The following ATP11B variants were observed in gnomAD, a reference collection of about 807,000 sequenced individuals.
The protein encoded by ATP11B is ATPase phospholipid transporting 11B (putative).
Under a neutral mutation model 157.8 loss-of-function variants are expected in ATP11B, and 81 were observed. That is an observed-to-expected ratio of 0.51 (90% CI 0.43 to 0.62). ATP11B has a LOEUF of 0.62. Ranked by LOEUF, ATP11B falls within the 20% of genes least tolerant of loss-of-function variation. ATP11B has a pLI of 0.00. For missense variants in ATP11B, 1,165 were observed against 1,402.2 expected, an observed-to-expected ratio of 0.83 and a Z score of 2.70; for synonymous variants, 451 against 469.4, an observed-to-expected ratio of 0.96 and a Z score of 0.51.
At chr3:182,886,386 T>TG (rs976624537) in intron 23 of ATP11B, among the ~76,000 whole-genome samples, 5 of 152,140 alleles carry the variant, frequency 3.3e-5, no homozygotes, top group African/African-American at 1.2e-4. Flanking sequence ...GTCTTAGGTT[T>TG]GGAAGGAGCA....
chr3:182,799,521 C>T (rs1253092297), intron 1 of ATP11B, among the ~76,000 whole-genome samples: 2 of 151,988 alleles, frequency 1.3e-5, no homozygotes, highest in South Asian at 2.1e-4. Context: ...ATGATCCGCC[C>T]GCCTCGGCCT....
chr3:182,874,031 C>G lies in ATP11B; in HGVS notation c.2252+16C>G. The G allele has an allele frequency of 6.2e-7, 1 of 1,609,250 alleles. No homozygotes were observed. The highest frequency in any genetic ancestry group is 1.1e-5 in the South Asian group (1 of 90,622). On this transcript the variant is annotated intron_variant, in intron 19 of 29. Coordinates refer to ENST00000323116, the MANE Select transcript of ATP11B (RefSeq NM_014616.3). ...TTGCCAGAAGGTAAGAATATAGGAACCTGTATCATACCTTTCAGGGGTTAG... is the reference window on the plus strand; with the variant it reads ...TTGCCAGAAGGTAAGAATATAGGAAGCTGTATCATACCTTTCAGGGGTTAG...
intron 10 of ATP11B, among the ~76,000 whole-genome samples, chr3:182,857,031 T>C (rs1297609300): frequency 6.6e-6 from 1 of 152,236 alleles, no homozygotes; most frequent in Non-Finnish European, 1.5e-5. Flanking sequence ...AGAAGAGGGA[T>C]TCTGAAGTCA....
intron 5 of ATP11B, 62 bp from the exon 6 acceptor site, chr3:182,836,280 A>G (rs1036906903): frequency 1.4e-5 from 23 of 1,602,552 alleles, no homozygotes; most frequent in Non-Finnish European, 1.8e-5. Flanking sequence ...TTAGAGCCCA[A>G]TAAAAGTAAG....
chr3:182,803,106 T>C (rs1380664628), intron 1 of ATP11B, among the ~76,000 whole-genome samples: 11 of 152,224 alleles, frequency 7.2e-5, no homozygotes, highest in Admixed American at 7.2e-4. Context: ...TGAAGTTAAA[T>C]ACCCAGAAGT....
intron 2 of ATP11B, among the ~76,000 whole-genome samples, chr3:182,826,757 T>C (rs1717751070): frequency 6.6e-6 from 1 of 152,246 alleles, no homozygotes; most frequent in African/African-American, 2.4e-5. Context: ...CTGGGTCAGA[T>C]AGGCTTTTGT....
chr3:182,846,222 T>G (rs1189857763), intron 9 of ATP11B, among the ~76,000 whole-genome samples: 2 of 152,094 alleles, frequency 1.3e-5, no homozygotes, highest in Non-Finnish European at 2.9e-5. Context: ...TCTTTCCCAT[T>G]TGCTCTTTTT....
chr3:182,849,703 A>G (rs1221242230), intron 10 of ATP11B, among the ~76,000 whole-genome samples: 1 of 152,234 alleles, frequency 6.6e-6, no homozygotes, highest in Non-Finnish European at 1.5e-5. Context: ...ACTCAGTCGA[A>G]GAATGGAGAG....
intron 25 of ATP11B, among the ~76,000 whole-genome samples, chr3:182,895,859 C>T (rs1469776506): frequency 1.3e-5 from 2 of 152,050 alleles, no homozygotes; most frequent in East Asian, 1.9e-4. Flanking sequence ...AGGATGTCTT[C>T]GTGGTGTTCC....
intron 1 of ATP11B, among the ~76,000 whole-genome samples, chr3:182,813,481 C>T (rs1039816457): frequency 6.6e-6 from 1 of 151,992 alleles, no homozygotes; most frequent in Non-Finnish European, 1.5e-5. Context: ...GATTTGTATT[C>T]CCCTAATGGA....
chr3:182,864,828 T>C (rs579277), intron 12 of ATP11B, among the ~76,000 whole-genome samples: 108,924 of 151,990 alleles, frequency 0.72, 39,512 homozygotes, highest in Non-Finnish European at 0.78. Context: ...ATGGACATAC[T>C]TTCTTTTAAA....
intron 28 of ATP11B, among the ~76,000 whole-genome samples, chr3:182,899,642 A>C (rs926193159): frequency 2.0e-5 from 3 of 152,184 alleles, no homozygotes; most frequent in African/African-American, 7.2e-5. Flanking sequence ...GGCCTGATAG[A>C]TCTCAGTTCA....
intron 24 of ATP11B, 37 bp from the exon 25 acceptor site, chr3:182,889,373 A>T: frequency 7.1e-7 from 1 of 1,402,486 alleles, no homozygotes. Context: ...ATAATAAATG[A>T]TCCCTAATAT....
chr3:182,906,536 C>A (rs9855745), intron 28 of ATP11B, among the ~76,000 whole-genome samples: 2 of 152,078 alleles, frequency 1.3e-5, no homozygotes, highest in African/African-American at 4.8e-5. Context: ...CTCGACCTCC[C>A]GGGCTCAAGC....
Position 182,793,603 on chromosome 3 carries a change from T to A in ATP11B, c.-157T>A, listed in dbSNP as rs1715381838. On this transcript the variant is annotated 5_prime_UTR_variant, in exon 1 of 30. It removes an upstream start codon present in the reference 5' UTR. Transcript: ENST00000323116. ...AGGACTCGGGGCCGACGCCGCGGGATGGGGACGCGGCGCGGGGAGTGAGGC... is the reference window on the plus strand; with the variant it reads ...AGGACTCGGGGCCGACGCCGCGGGAAGGGGACGCGGCGCGGGGAGTGAGGC... 1 of 401,326 alleles carries A rather than the reference T, an allele frequency of 2.5e-6. No individual in the cohort carries two copies. The highest frequency in any genetic ancestry group is 4.3e-6 in the Non-Finnish European group (1 of 232,090). The allele number at this position is 401,326 out of a possible 1,614,324, so 24.9% of individuals were successfully genotyped here.
chr3:182,870,589 T>G lies in ATP11B; in HGVS notation c.1866+1258T>G, dbSNP rs114361177. On this transcript the variant is annotated intron_variant, in intron 17 of 29. Transcript: ENST00000323116. ...TTATAGAATGAATTAATTCATATAT[T>G]AATAACAGATGGTTTTTTAACTATT... 2.5e-3 allele frequency among the ~76,000 whole-genome samples: 379 copies of G among 152,360 alleles called. 1 individual carries two copies. The highest frequency in any genetic ancestry group is 4.3e-3 in the Non-Finnish European group (293 of 68,026).
intron 9 of ATP11B, among the ~76,000 whole-genome samples, chr3:182,846,782 G>A (rs1719566349): frequency 6.6e-6 from 1 of 152,170 alleles, no homozygotes; most frequent in Non-Finnish European, 1.5e-5. Flanking sequence ...CAAATTCATA[G>A]AGACTGAAAA....
At chr3:182,844,572 T>A (rs1407693532) in intron 8 of ATP11B, 1 of 984,542 alleles carries the variant, frequency 1.0e-6, no homozygotes. Context: ...CAAGAAGACC[T>A]GTGCTTCAAG....
At chr3:182,863,501 G>A (rs1721006484) in intron 12 of ATP11B, among the ~76,000 whole-genome samples, 1 of 151,822 alleles carries the variant, frequency 6.6e-6, no homozygotes, top group African/African-American at 2.4e-5. Flanking sequence ...GATTTTCTCA[G>A]CCTCTCTTTT....
Sources: allele counts gnomAD v4.1 joint callset (sites outside exome capture counted in the v4.1 genomes callset), GRCh38; gene constraint gnomAD v4.1.1; transcripts MANE v1.5; gene names NCBI Gene and HGNC (gene_info 2026-07-23, HGNC 2026-07-21).